UNC13C: variants seen among roughly 807,000 people sequenced by gnomAD.
UNC13C encodes unc-13 homolog C, also known as protein unc-13 homolog C.
Under a neutral mutation model 245.4 loss-of-function variants are expected in UNC13C, and 174 were observed. The observed-to-expected ratio is 0.71, with a 90% CI of 0.63 to 0.80. The LOEUF (loss-of-function observed/expected upper bound fraction) is 0.80, where lower values mean the gene tolerates loss of function less well. Among genes scored for constraint, UNC13C ranks in the 30% least tolerant of loss-of-function variants. The pLI is 0.00. For missense variants in UNC13C, 2,829 were observed against 2,602.9 expected (o/e 1.09, Z -1.89); for synonymous variants, 992 against 895.1 (o/e 1.11, Z -1.93).
chr15:54,076,875 A>T (rs1898656127), intron 2 of UNC13C, among the ~76,000 whole-genome samples: 1 of 152,246 alleles, frequency 6.6e-6, no homozygotes, highest in Non-Finnish European at 1.5e-5. Flanking sequence ...AGTTGAACTT[A>T]ACATTATCAG....
At chr15:54,195,171 A>C (rs2141333741) in intron 4 of UNC13C, among the ~76,000 whole-genome samples, 1 of 135,458 alleles carries the variant, frequency 7.4e-6, no homozygotes, top group African/African-American at 2.6e-5. Context: ...ACAAAAATGG[A>C]ATTTCAATCC....
At chr15:54,107,024 C>A (rs1260810408) in intron 2 of UNC13C, among the ~76,000 whole-genome samples, 2 of 152,142 alleles carry the variant, frequency 1.3e-5, no homozygotes, top group Non-Finnish European at 2.9e-5. Flanking sequence ...TAGTTTGTTT[C>A]ATAGGTTATT....
chr15:54,176,820 G>A (rs1231146153), intron 4 of UNC13C, among the ~76,000 whole-genome samples: 1 of 152,000 alleles, frequency 6.6e-6, no homozygotes, highest in Non-Finnish European at 1.5e-5. Context: ...TTTCTGCCTT[G>A]CTCTATGGAA....
chr15:54,051,898 C>T (rs1484620137), intron 2 of UNC13C, among the ~76,000 whole-genome samples: 1 of 139,700 alleles, frequency 7.2e-6, no homozygotes. Context: ...TCTCCCAATG[C>T]TATCCCTCCC....
At position 54,023,292 on chromosome 15, in the gene UNC13C, T is replaced by C. The variant is rs531630815; in HGVS notation, c.2983+7406T>C. 1.7e-3 allele frequency among the ~76,000 whole-genome samples: 265 copies of C among 152,342 alleles called. 5 individuals carry two copies. The highest frequency in any genetic ancestry group is 0.017 in the Admixed American group (258 of 15,306). ...CCCAGAATCCAAAGTCGATGCTCTT[T>C]CCCTGACATCCTGTTGCCAATGCAG... On this transcript the variant is annotated intron_variant, in intron 2 of 32. Transcript: ENST00000260323.
intron 30 of UNC13C, among the ~76,000 whole-genome samples, chr15:54,610,304 C>T (rs115229431): frequency 0.014 from 2,132 of 152,100 alleles, 50 homozygotes; most frequent in African/African-American, 0.048. Flanking sequence ...GGCGCGATCT[C>T]GGCTCACTTC....
chr15:54,313,930 A>G (rs2037940781), intron 13 of UNC13C, among the ~76,000 whole-genome samples: 1 of 147,730 alleles, frequency 6.8e-6, no homozygotes, highest in Non-Finnish European at 1.5e-5. Flanking sequence ...TGTACTCACA[A>G]TGGAATACTT....
chr15:54,420,283 G>T (rs1247775208), intron 19 of UNC13C, among the ~76,000 whole-genome samples: 1 of 152,076 alleles, frequency 6.6e-6, no homozygotes, highest in Non-Finnish European at 1.5e-5. Context: ...TGGCTGTTGA[G>T]TAGTTGCGGG....
intron 2 of UNC13C, among the ~76,000 whole-genome samples, chr15:54,057,039 G>T (rs569231100): frequency 1.9e-4 from 29 of 152,270 alleles, no homozygotes; most frequent in African/African-American, 6.5e-4. Context: ...AGGCTAGGAA[G>T]AAACTGCATC....
At chr15:54,365,720 A>G (rs1356195910) in intron 17 of UNC13C, among the ~76,000 whole-genome samples, 1 of 151,682 alleles carries the variant, frequency 6.6e-6, no homozygotes, top group Non-Finnish European at 1.5e-5. Context: ...CAAATGTCCT[A>G]GGCTCCTCAC....
chr15:54,296,391 T>TTTTTTTTTTG (rs529076917), intron 11 of UNC13C, among the ~76,000 whole-genome samples: 93 of 137,814 alleles, frequency 6.7e-4, no homozygotes, highest in East Asian at 1.9e-3. Flanking sequence ...TTATTTTTTT[T>TTTTTTTTTTG]TATTTTTTAG....
chr15:54,551,639 A>G (rs887098179), intron 28 of UNC13C, among the ~76,000 whole-genome samples: 1 of 152,084 alleles, frequency 6.6e-6, no homozygotes, highest in Non-Finnish European at 1.5e-5. Context: ...CTATAAATAC[A>G]ATGACCTAAC....
At chr15:54,231,080 T>C (rs2035538217) in intron 4 of UNC13C, among the ~76,000 whole-genome samples, 1 of 152,060 alleles carries the variant, frequency 6.6e-6, no homozygotes, top group Non-Finnish European at 1.5e-5. Flanking sequence ...AACACTTGAA[T>C]ACTTGGGCAG....
At chr15:54,075,227 T>G (rs1405127860) in intron 2 of UNC13C, among the ~76,000 whole-genome samples, 2 of 152,168 alleles carry the variant, frequency 1.3e-5, no homozygotes, top group Admixed American at 1.3e-4. Flanking sequence ...GGCTCATGCC[T>G]GTAATCCCAG....
At chr15:53,864,935 A>G in the UNC13C span, among the ~76,000 whole-genome samples, 1 of 152,188 alleles carries the variant, frequency 6.6e-6, no homozygotes, top group African/African-American at 2.4e-5. Flanking sequence ...TAGTAAGTAC[A>G]AAAGGGCATT....
chr15:53,928,616 T>C, the UNC13C span, among the ~76,000 whole-genome samples: 16 of 152,172 alleles, frequency 1.1e-4, no homozygotes, highest in Non-Finnish European at 1.8e-4. Context: ...CTATTTAGAC[T>C]CTCCTGGAAG....
chr15:54,486,921 C>G lies in UNC13C; in HGVS notation c.4934-7687C>G, dbSNP rs553663311. Among the ~76,000 whole-genome samples, 16 of 152,252 alleles carry G rather than the reference C, an allele frequency of 1.1e-4. No homozygotes were observed. The South Asian group carries it at 3.1e-3, about 30-fold the overall frequency. ...TGGAGTGACTCTTCCTCTAAACATGCCAGTATGGCTTTAGATCTAGACCAG... is the reference window on the plus strand; with the variant it reads ...TGGAGTGACTCTTCCTCTAAACATGGCAGTATGGCTTTAGATCTAGACCAG... On this transcript the variant is annotated intron_variant, in intron 19 of 32. Coordinates refer to ENST00000260323, the MANE Select transcript of UNC13C (RefSeq NM_001080534.3).
chr15:53,876,797 A>G, the UNC13C span, among the ~76,000 whole-genome samples: 1 of 152,230 alleles, frequency 6.6e-6, no homozygotes, highest in African/African-American at 2.4e-5. Context: ...AAAAAACAAC[A>G]TAGTAACTGT....
intron 19 of UNC13C, among the ~76,000 whole-genome samples, chr15:54,479,427 A>G (rs970847094): frequency 3.3e-5 from 5 of 151,874 alleles, no homozygotes; most frequent in African/African-American, 1.2e-4. Context: ...TTGTGGAATA[A>G]TTTTTTAATT....
Sources: allele counts gnomAD v4.1 joint callset (sites outside exome capture counted in the v4.1 genomes callset), GRCh38; gene constraint gnomAD v4.1.1; transcripts MANE v1.5; gene names NCBI Gene and HGNC (gene_info 2026-07-23, HGNC 2026-07-21).